CSMD1: variants seen among roughly 807,000 people sequenced by gnomAD.
The protein encoded by CSMD1 is CUB and sushi domain-containing protein 1.
CSMD1 carries 213 observed loss-of-function variants against 417.5 expected under a neutral mutation model. That is an observed-to-expected ratio of 0.51 (90% CI 0.46 to 0.57). CSMD1 has a LOEUF of 0.57. CSMD1 is among the 20% of genes least tolerant of loss of function. The pLI is 0.00. For missense variants in CSMD1, 6,923 were observed against 4,529.7 expected, an observed-to-expected ratio of 1.53 and a Z score of -15.17; for synonymous variants, 2,862 against 1,736.8, an observed-to-expected ratio of 1.65 and a Z score of -16.11.
chr8:4,887,947 A>C (rs1803864124), intron 1 of CSMD1, among the ~76,000 whole-genome samples: 1 of 152,024 alleles, frequency 6.6e-6, no homozygotes, highest in Admixed American at 6.6e-5. Flanking sequence ...TCATGTAGTC[A>C]ATATATGGTT....
intron 3 of CSMD1, among the ~76,000 whole-genome samples, chr8:4,362,555 G>A (rs897545567): frequency 2.0e-5 from 3 of 152,202 alleles, no homozygotes; most frequent in African/African-American, 7.2e-5. Context: ...ATTGTGGGAA[G>A]TGGATAATAT....
At chr8:3,370,207 C>A (rs1050278901) in intron 18 of CSMD1, among the ~76,000 whole-genome samples, 1 of 152,162 alleles carries the variant, frequency 6.6e-6, no homozygotes, top group Admixed American at 6.5e-5. Flanking sequence ...AATATTGACA[C>A]GTTCCCGCCA....
chr8:4,426,771 C>T (rs900593455), intron 2 of CSMD1, among the ~76,000 whole-genome samples: 3 of 146,764 alleles, frequency 2.0e-5, no homozygotes, highest in Non-Finnish European at 4.5e-5. Flanking sequence ...TTTTATATTA[C>T]AATACAGATG....
intron 1 of CSMD1, among the ~76,000 whole-genome samples, chr8:4,648,343 A>T (rs775411408): frequency 5.9e-5 from 9 of 152,122 alleles, no homozygotes; most frequent in Non-Finnish European, 1.2e-4. Flanking sequence ...GGATATAATG[A>T]CATGATCCAC....
chr8:4,066,376 G>C (rs1020716933), intron 3 of CSMD1, among the ~76,000 whole-genome samples: 2 of 152,178 alleles, frequency 1.3e-5, no homozygotes, highest in Non-Finnish European at 2.9e-5. Context: ...GTCCCACTCA[G>C]CGCAGGGATG....
intron 7 of CSMD1, among the ~76,000 whole-genome samples, chr8:3,644,988 A>C (rs1797507098): frequency 6.6e-6 from 1 of 151,498 alleles, no homozygotes; most frequent in African/African-American, 2.4e-5. Flanking sequence ...AAAAAAAAAA[A>C]AAAGTCAATT....
chr8:3,155,592 C>T (rs1819478198), intron 39 of CSMD1, among the ~76,000 whole-genome samples: 3 of 151,546 alleles, frequency 2.0e-5, no homozygotes, highest in Non-Finnish European at 4.4e-5. Flanking sequence ...TGGTCTCGAT[C>T]TCCTGACTTC....
At chr8:4,840,688 T>G (rs1334237208) in intron 1 of CSMD1, among the ~76,000 whole-genome samples, 5 of 152,228 alleles carry the variant, frequency 3.3e-5, no homozygotes, top group Non-Finnish European at 4.4e-5. Flanking sequence ...TATTACTCAG[T>G]GCCTGCAAGA....
intron 26 of CSMD1, among the ~76,000 whole-genome samples, chr8:3,273,510 C>G (rs1011458435): frequency 1.3e-5 from 2 of 152,172 alleles, no homozygotes; most frequent in African/African-American, 2.4e-5. Flanking sequence ...AGGAATGGTA[C>G]AAATTCCTCC....
At position 4,491,786 on chromosome 8, in the gene CSMD1, T is replaced by C. The variant is rs577270250; in HGVS notation, c.303-71721A>G. 7.9e-5 allele frequency among the ~76,000 whole-genome samples: 12 copies of C among 152,274 alleles called. No individual in the cohort carries two copies. In the East Asian group the frequency reaches 2.3e-3, roughly 29 times the overall value. ...CACTGCTGGTGGGAACGCAGAATGG[T>C]AGAGTCACGTTGGCAGACAAGTGGC... On this transcript the variant is annotated intron_variant, in intron 2 of 69. Transcript: ENST00000635120.
intron 3 of CSMD1, among the ~76,000 whole-genome samples, chr8:4,411,870 T>C (rs1406524339): frequency 6.6e-6 from 1 of 152,218 alleles, no homozygotes; most frequent in African/African-American, 2.4e-5. Context: ...GCATTTTTTT[T>C]CACTTTAATG....
chr8:3,490,752 C>A (rs745425508), intron 11 of CSMD1, among the ~76,000 whole-genome samples: 1 of 152,114 alleles, frequency 6.6e-6, no homozygotes, highest in Admixed American at 6.6e-5. Context: ...TAGTGCTGTT[C>A]CCAACCCTGT....
intron 5 of CSMD1, among the ~76,000 whole-genome samples, chr8:3,972,414 A>G (rs1437091202): frequency 1.3e-5 from 2 of 152,178 alleles, no homozygotes; most frequent in Non-Finnish European, 2.9e-5. Flanking sequence ...AAGTCAAGTG[A>G]TTAACATTTA....
intron 1 of CSMD1, among the ~76,000 whole-genome samples, chr8:4,921,445 A>G (rs1806493430): frequency 6.6e-6 from 1 of 152,222 alleles, no homozygotes; most frequent in African/African-American, 2.4e-5. Flanking sequence ...ATCATGTTAA[A>G]GATAAGAATG....
At chr8:3,733,222 C>G (rs920652707) in intron 6 of CSMD1, among the ~76,000 whole-genome samples, 2 of 149,554 alleles carry the variant, frequency 1.3e-5, no homozygotes, top group Non-Finnish European at 3.0e-5. Flanking sequence ...CTCTCTCATA[C>G]ATACACATAC....
At chr8:4,664,081 C>T (rs760156519) in intron 1 of CSMD1, among the ~76,000 whole-genome samples, 7 of 152,170 alleles carry the variant, frequency 4.6e-5, no homozygotes, top group Middle Eastern at 3.4e-3. Flanking sequence ...TCTGTGTGTG[C>T]GTCATCGTAC....
At chr8:4,455,247 T>G (rs1489232580) in intron 2 of CSMD1, among the ~76,000 whole-genome samples, 1 of 152,188 alleles carries the variant, frequency 6.6e-6, no homozygotes, top group Non-Finnish European at 1.5e-5. Flanking sequence ...TGTTGGCCTT[T>G]TCCCCAGGTT....
intron 15 of CSMD1, among the ~76,000 whole-genome samples, chr8:3,402,340 G>C (rs1359957173): frequency 6.6e-6 from 1 of 151,182 alleles, no homozygotes; most frequent in Non-Finnish European, 1.5e-5. Flanking sequence ...TTTATCTTTT[G>C]CTAAAAAAAT....
chr8:4,291,997 G>A (rs1023404355), intron 3 of CSMD1, among the ~76,000 whole-genome samples: 1 of 152,144 alleles, frequency 6.6e-6, no homozygotes, highest in Non-Finnish European at 1.5e-5. Flanking sequence ...AGACGCCAGA[G>A]TGAGTTTGTT....
Sources: allele counts gnomAD v4.1 joint callset (sites outside exome capture counted in the v4.1 genomes callset), GRCh38; gene constraint gnomAD v4.1.1; transcripts MANE v1.5; gene names NCBI Gene and HGNC (gene_info 2026-07-23, HGNC 2026-07-21).